The following RGSL1 variants were observed in gnomAD, a reference collection of about 807,000 sequenced individuals.
RGSL1 encodes the protein regulator of G protein signaling like 1, also known as regulator of G protein signaling protein-like.
RGSL1 carries 97 observed loss-of-function variants against 124.7 expected under a neutral mutation model. The ratio of observed to expected loss-of-function variants is 0.78; its 90% CI spans 0.66 to 0.92. The LOEUF is 0.92. Among genes scored for constraint, RGSL1 ranks in the 40% least tolerant of loss-of-function variants. The pLI is 0.00. For missense variants in RGSL1, 1,233 were observed against 1,288.4 expected (o/e 0.96, Z 0.66); for synonymous variants, 424 against 438.1 (o/e 0.97, Z 0.40).
chr1:182,531,014 A>G, intron 13 of RGSL1, 104 bp downstream of exon 13: 1 of 1,324,532 alleles, frequency 7.5e-7, no homozygotes, highest in Non-Finnish European at 1.0e-6. Flanking sequence ...TCTGAGACTC[A>G]GATAAATTAC....
intron 6 of RGSL1, among the ~76,000 whole-genome samples, chr1:182,479,695 G>C (rs1045219603): frequency 6.6e-6 from 1 of 152,136 alleles, no homozygotes; most frequent in South Asian, 2.1e-4. Flanking sequence ...AAAAGACATT[G>C]AGTAGATGAA....
At position 182,522,110 on chromosome 1, in the gene RGSL1, G is replaced by C; in HGVS notation, c.1931+1G>C. On this transcript the variant is annotated splice_donor_variant, in intron 10 of 21. Coordinates refer to ENST00000294854, the MANE Select transcript of RGSL1 (RefSeq NM_001137669.2). LOFTEE classifies it high-confidence loss of function. ...TAAGGAAGCCATCAATGAGACCCAG[G>C]TGAGATATAGAATCTGTTTACAGCA... 6.5e-7 allele frequency: 1 copy of C among 1,541,284 alleles called. No individual in the cohort carries two copies. Among genetic ancestry groups the C allele is most frequent in the Non-Finnish European group, 8.8e-7 (1 of 1,139,922 alleles).
In RGSL1 at chr1:182,527,706, G is replaced by C; in HGVS notation, c.2059G>C (p.Glu687Gln). The change falls in exon 11 of 22, where the codon GAA becomes CAA. Residue 687 changes from glutamate (E) to glutamine (Q), a missense_variant. Glu to Gln is a conservative substitution (Grantham distance 29, BLOSUM62 2). Coordinates refer to ENST00000294854, the MANE Select transcript of RGSL1 (RefSeq NM_001137669.2). ...AVQKISIETNEKICKSLIENV... is the reference protein window; with the variant it reads ...AVQKISIETNQKICKSLIENV... ...ACAGAAGATCAGTATAGAGACCAAT[G>C]AAAAGATTTGCAAGTCTCTCATAGA... 2 of 1,551,158 alleles carry C rather than the reference G, an allele frequency of 1.3e-6. No individual in the cohort carries two copies. The highest frequency in any genetic ancestry group is 1.7e-6 in the Non-Finnish European group (2 of 1,146,666).
intron 4 of RGSL1, among the ~76,000 whole-genome samples, chr1:182,464,737 A>G (rs1305623540): frequency 6.6e-6 from 1 of 151,598 alleles, no homozygotes; most frequent in African/African-American, 2.4e-5. Flanking sequence ...GAAAAAAAAA[A>G]AAAGAAAAGA....
chr1:182,528,341 C>T (rs917502291), intron 11 of RGSL1, among the ~76,000 whole-genome samples: 2 of 152,202 alleles, frequency 1.3e-5, no homozygotes, highest in African/African-American at 4.8e-5. Flanking sequence ...ACTCCGGCCC[C>T]TCCCAAATCT....
At chr1:182,515,371 C>T (rs1657785848) in intron 9 of RGSL1, among the ~76,000 whole-genome samples, 1 of 151,992 alleles carries the variant, frequency 6.6e-6, no homozygotes, top group Non-Finnish European at 1.5e-5. Flanking sequence ...AGCCTGGAGC[C>T]TGGAATCGAG....
intron 18 of RGSL1, among the ~76,000 whole-genome samples, chr1:182,552,550 CATAAT>C (rs1194292386): frequency 1.3e-5 from 2 of 152,218 alleles, no homozygotes; most frequent in Admixed American, 1.3e-4. Flanking sequence ...ATCAGAGAGT[CATAAT>C]ATACAAGCTG....
chr1:182,484,725 A>G (rs1654968146), intron 6 of RGSL1, among the ~76,000 whole-genome samples: 1 of 152,194 alleles, frequency 6.6e-6, no homozygotes, highest in African/African-American at 2.4e-5. Context: ...CAATTCTACC[A>G]AAGTGCCATT....
chr1:182,501,307 C>T (rs796543898), intron 9 of RGSL1, among the ~76,000 whole-genome samples: 284 of 61,202 alleles, frequency 4.6e-3, no homozygotes, highest in East Asian at 8.3e-3. Context: ...TTTTTCTTTT[C>T]TTTTTTTTTT....
intron 18 of RGSL1, among the ~76,000 whole-genome samples, chr1:182,551,869 A>G (rs1030687087): frequency 5.3e-5 from 8 of 152,102 alleles, no homozygotes; most frequent in African/African-American, 1.9e-4. Context: ...CTATGTTTAG[A>G]TATGTTTAGA....
chr1:182,483,029 T>TACTG (rs1052196530), intron 6 of RGSL1, among the ~76,000 whole-genome samples: 9 of 152,150 alleles, frequency 5.9e-5, no homozygotes, highest in African/African-American at 1.9e-4. Context: ...GAAAGACAAA[T>TACTG]ACTGCATAAT....
At chr1:182,543,216 G>A (rs1333291281) in intron 15 of RGSL1, among the ~76,000 whole-genome samples, 1 of 151,818 alleles carries the variant, frequency 6.6e-6, no homozygotes, top group Non-Finnish European at 1.5e-5. Context: ...ATTATTTTGA[G>A]GTATATTTCT....
At chr1:182,532,897 AG>A in intron 14 of RGSL1, 106 bp downstream of exon 14, 1 of 1,312,734 alleles carries the variant, frequency 7.6e-7, no homozygotes, top group Non-Finnish European at 1.0e-6. Flanking sequence ...GGCAGCCTGG[AG>A]TCTAGCAAAA....
chr1:182,449,299 T>C (rs1651651447), upstream of RGSL1: 1 of 152,270 alleles, frequency 6.6e-6, no homozygotes, highest in African/African-American at 2.4e-5. Context: ...CTTTTTCAAA[T>C]GTAAGTGATA....
chr1:182,547,013 G>A (rs1257062366), intron 15 of RGSL1, among the ~76,000 whole-genome samples: 1 of 152,192 alleles, frequency 6.6e-6, no homozygotes, highest in Admixed American at 6.5e-5. Context: ...GATAATTCAT[G>A]CATCAGTTAG....
intron 3 of RGSL1, among the ~76,000 whole-genome samples, chr1:182,459,550 G>A (rs1257280311): frequency 6.6e-6 from 1 of 152,172 alleles, no homozygotes; most frequent in Non-Finnish European, 1.5e-5. Context: ...TCTAAATGAT[G>A]CTATGTGTGA....
At chr1:182,483,824 C>T (rs1654890768) in intron 6 of RGSL1, among the ~76,000 whole-genome samples, 1 of 152,052 alleles carries the variant, frequency 6.6e-6, no homozygotes, top group Non-Finnish European at 1.5e-5. Flanking sequence ...TCTGCAGCAT[C>T]CCCTAGGAGC....
rs376644889 is a variant in RGSL1, at chr1:182,519,625, G to A, written c.1826-2379G>A. ...GACTAGATATCTTTTTTCAGTTTTA[G>A]GGAATTTTCAGTTATTATCTCCTTA... On this transcript the variant is annotated intron_variant, in intron 9 of 21. Transcript: ENST00000294854. Among the ~76,000 whole-genome samples the A allele has an allele frequency of 2.4e-4, 37 of 151,870 alleles. No homozygotes were observed. The East Asian group carries it at 3.1e-3, about 13-fold the overall frequency.
chr1:182,549,617 T>C (rs1349746414), intron 17 of RGSL1: 1 of 152,138 alleles, frequency 6.6e-6, no homozygotes, highest in African/African-American at 2.4e-5. Flanking sequence ...CTGGCTGAAA[T>C]GTTCCCAGAC....
Sources: allele counts gnomAD v4.1 joint callset (sites outside exome capture counted in the v4.1 genomes callset), GRCh38; gene constraint gnomAD v4.1.1; transcripts MANE v1.5; gene names NCBI Gene and HGNC (gene_info 2026-07-23, HGNC 2026-07-21).